PTPRD: variants seen among roughly 807,000 people sequenced by gnomAD.
PTPRD encodes the protein receptor-type tyrosine-protein phosphatase delta.
PTPRD carries 34 observed loss-of-function variants against 214.5 expected under a neutral mutation model. The ratio of observed to expected loss-of-function variants is 0.16; its 90% CI spans 0.12 to 0.21. The LOEUF (loss-of-function observed/expected upper bound fraction) is 0.21. PTPRD is among the 10% of genes least tolerant of loss of function. PTPRD has a pLI of 1.00. For synonymous variants in PTPRD, 1,128 were observed against 845.7 expected (o/e 1.33, Z -5.79); for missense variants, 2,545 against 2,398.7 (o/e 1.06, Z -1.27).
At chr9:8,619,382 C>G (rs1390906638) in intron 14 of PTPRD, among the ~76,000 whole-genome samples, 1 of 151,564 alleles carries the variant, frequency 6.6e-6, no homozygotes, top group Admixed American at 6.6e-5. Context: ...TGGTAACCAA[C>G]ATTCTACTCT....
chr9:10,597,911 G>A (rs991318027), intron 2 of PTPRD, among the ~76,000 whole-genome samples: 10 of 151,680 alleles, frequency 6.6e-5, no homozygotes, highest in Non-Finnish European at 1.0e-4. Context: ...AGCTTTCATC[G>A]CATTTTGATT....
At chr9:9,302,420 C>T (rs1955655916) in intron 9 of PTPRD, among the ~76,000 whole-genome samples, 1 of 151,714 alleles carries the variant, frequency 6.6e-6, no homozygotes, top group Admixed American at 6.6e-5. Flanking sequence ...GCTGCATATG[C>T]AAAACCACGT....
chr9:10,413,488 G>A (rs193247832), intron 2 of PTPRD, among the ~76,000 whole-genome samples: 2 of 152,010 alleles, frequency 1.3e-5, no homozygotes, highest in East Asian at 1.9e-4. Flanking sequence ...CATACTCCAC[G>A]CTCAGGAATA....
At chr9:9,818,793 G>A (rs547226771) in intron 5 of PTPRD, among the ~76,000 whole-genome samples, 2 of 151,562 alleles carry the variant, frequency 1.3e-5, no homozygotes, top group Non-Finnish European at 2.9e-5. Flanking sequence ...GTGTGCGCCT[G>A]TAATCCCAGC....
intron 12 of PTPRD, among the ~76,000 whole-genome samples, chr9:8,670,574 T>A (rs2097263305): frequency 6.6e-6 from 1 of 152,236 alleles, no homozygotes; most frequent in African/African-American, 2.4e-5. Flanking sequence ...TCTATATGTT[T>A]CTATATATCT....
intron 12 of PTPRD, among the ~76,000 whole-genome samples, chr9:8,701,066 C>G (rs560782111): frequency 2.6e-4 from 40 of 152,062 alleles, no homozygotes; most frequent in South Asian, 1.5e-3. Flanking sequence ...GACGCTGAGG[C>G]AGGAGAATCA....
At chr9:8,857,284 G>A (rs1366195147) in intron 11 of PTPRD, among the ~76,000 whole-genome samples, 3 of 152,144 alleles carry the variant, frequency 2.0e-5, no homozygotes, top group Non-Finnish European at 2.9e-5. Context: ...CCCTGGGTAA[G>A]GGTGGATTGC....
intron 11 of PTPRD, among the ~76,000 whole-genome samples, chr9:8,831,618 A>G (rs1186704563): frequency 6.6e-6 from 1 of 152,174 alleles, no homozygotes; most frequent in Non-Finnish European, 1.5e-5. Context: ...TGTATAATAA[A>G]CCCTTTAAAA....
At chr9:10,563,030 T>C (rs1316856795) in intron 2 of PTPRD, among the ~76,000 whole-genome samples, 2 of 152,208 alleles carry the variant, frequency 1.3e-5, no homozygotes, top group Admixed American at 1.3e-4. Flanking sequence ...GTGAGGCTAC[T>C]ACAGAGCCTA....
chr9:9,340,146 T>TA (rs2046217176), intron 9 of PTPRD, among the ~76,000 whole-genome samples: 1 of 152,164 alleles, frequency 6.6e-6, no homozygotes, highest in South Asian at 2.1e-4. Flanking sequence ...CTAAAGACAG[T>TA]AAAGTGATAC....
chr9:9,760,314 T>A (rs1398730470), intron 6 of PTPRD, among the ~76,000 whole-genome samples: 1 of 152,132 alleles, frequency 6.6e-6, no homozygotes, highest in African/African-American at 2.4e-5. Context: ...GAGAAAACCT[T>A]AGTGTTTTAT....
At chr9:10,576,927 G>C (rs1454344244) in intron 2 of PTPRD, among the ~76,000 whole-genome samples, 1 of 151,694 alleles carries the variant, frequency 6.6e-6, no homozygotes, top group Non-Finnish European at 1.5e-5. Context: ...TGTTCATGTG[G>C]CCATGTCTCT....
intron 4 of PTPRD, among the ~76,000 whole-genome samples, chr9:9,939,229 G>C (rs971020648): frequency 6.6e-6 from 1 of 152,154 alleles, no homozygotes; most frequent in African/African-American, 2.4e-5. Flanking sequence ...GAAAACCATA[G>C]AGCAGGGCTC....
chr9:8,475,878 C>T (rs538975530), intron 30 of PTPRD, among the ~76,000 whole-genome samples: 2 of 152,178 alleles, frequency 1.3e-5, no homozygotes. Flanking sequence ...TCTCTCAACT[C>T]TCTCTATTGA....
chr9:9,791,770 C>G (rs1043893127), intron 5 of PTPRD, among the ~76,000 whole-genome samples: 4 of 152,066 alleles, frequency 2.6e-5, no homozygotes, highest in African/African-American at 4.8e-5. Context: ...AAATAGTATA[C>G]TATTTACAAA....
At chr9:10,487,980 C>G (rs990901236) in intron 2 of PTPRD, among the ~76,000 whole-genome samples, 2 of 148,834 alleles carry the variant, frequency 1.3e-5, no homozygotes, top group African/African-American at 5.0e-5. Flanking sequence ...CTCTCTCTCT[C>G]TCTCTCTCTC....
intron 11 of PTPRD, among the ~76,000 whole-genome samples, chr9:8,907,674 C>G (rs1328146124): frequency 6.6e-6 from 1 of 151,212 alleles, no homozygotes; most frequent in Non-Finnish European, 1.5e-5. Context: ...GAGAAATTTA[C>G]TACATGGACT....
intron 3 of PTPRD, among the ~76,000 whole-genome samples, chr9:10,338,067 T>C (rs932185924): frequency 2.0e-5 from 3 of 151,714 alleles, no homozygotes; most frequent in African/African-American, 7.3e-5. Flanking sequence ...ATTCATATCA[T>C]ATGAGCTTCA....
chr9:9,255,694 T>G (rs1435532528), intron 9 of PTPRD, among the ~76,000 whole-genome samples: 1 of 152,086 alleles, frequency 6.6e-6, no homozygotes, highest in African/African-American at 2.4e-5. Context: ...CAAAAAAGTT[T>G]TACAACCTTT....
Sources: gnomAD v4.1 joint callset for allele counts (sites outside exome capture counted in the v4.1 genomes callset) on GRCh38, gnomAD v4.1.1 for gene constraint, MANE v1.5 for transcripts, NCBI Gene and HGNC (gene_info 2026-07-23, HGNC 2026-07-21) for gene names.